The following PKHD1L1 variants were observed in gnomAD, a reference collection of about 807,000 sequenced individuals.
PKHD1L1 encodes the protein PKHD1 like 1, also known as fibrocystin-L.
PKHD1L1 carries 434 observed loss-of-function variants against 462.9 expected under a neutral mutation model. That is an observed-to-expected ratio of 0.94 (90% CI 0.87 to 1.02). The LOEUF is 1.02. Ranked by LOEUF, PKHD1L1 falls within the 50% of genes least tolerant of loss-of-function variation. The pLI, the probability that PKHD1L1 is intolerant of heterozygous loss-of-function variation, is 0.00. For missense variants in PKHD1L1, 5,202 were observed against 5,096.1 expected, an observed-to-expected ratio of 1.02 and a Z score of -0.63; for synonymous variants, 1,781 against 1,750.0, an observed-to-expected ratio of 1.02 and a Z score of -0.44.
chr8:109,511,377 A>G (rs1819972094), intron 71 of PKHD1L1, among the ~76,000 whole-genome samples: 1 of 118,422 alleles, frequency 8.4e-6, no homozygotes, highest in Admixed American at 1.1e-4. Context: ...CCAGAGTGTG[A>G]TGTTCCCCTT....
intron 63 of PKHD1L1, among the ~76,000 whole-genome samples, chr8:109,494,567 G>A (rs1218151607): frequency 6.6e-6 from 1 of 151,956 alleles, no homozygotes; most frequent in Non-Finnish European, 1.5e-5. Context: ...AAGCAGAAGA[G>A]TTCAATGTAT....
chr8:109,392,104 G>A (rs7834361), intron 9 of PKHD1L1, among the ~76,000 whole-genome samples: 3,557 of 152,192 alleles, frequency 0.023, 133 homozygotes, highest in African/African-American at 0.082. Flanking sequence ...ATAAGACACG[G>A]CAACAGGATT....
intron 76 of PKHD1L1, 79 bp from the exon 77 acceptor site, chr8:109,526,705 A>G (rs1820831774): frequency 8.2e-7 from 1 of 1,218,620 alleles, no homozygotes; most frequent in Non-Finnish European, 1.1e-6. Context: ...TTTTTCAGTC[A>G]ATGAAAATCA....
At chr8:109,461,499 A>G (rs968502144) in intron 47 of PKHD1L1, among the ~76,000 whole-genome samples, 1 of 152,148 alleles carries the variant, frequency 6.6e-6, no homozygotes, top group African/African-American at 2.4e-5. Flanking sequence ...ACTAAATCCC[A>G]TTATCAATAT....
intron 18 of PKHD1L1, 29 bp downstream of exon 18, chr8:109,408,235 A>G: frequency 6.3e-7 from 1 of 1,593,522 alleles, no homozygotes; most frequent in Non-Finnish European, 8.6e-7. Flanking sequence ...TCTACCACGC[A>G]TTTTCCCTGC....
rs1260426222 is a variant in PKHD1L1 at position 109,445,586 on chromosome 8, T to C, written c.5717T>C (p.Leu1906Ser). Reference protein sequence around the residue: ...IFVNTIAYPPLLFTYALEDTP... With the variant: ...IFVNTIAYPPSLFTYALEDTP... ...GTTAATACAATTGCTTATCCACCTT[T>C]GCTTTTTACATATGCCCTGGAGGAT... Residue 1906 changes from leucine (L) to serine (S), a missense_variant, in exon 38 of 78, where the codon TTG becomes TCG. Leu to Ser is a moderately radical substitution (Grantham distance 145). This residue lies in a region of PKHD1L1 where 4,497 missense variants were observed against 4,336.8 expected (regional missense o/e 1.04). Transcript: ENST00000378402. 1 of 1,611,280 alleles carries C rather than the reference T, an allele frequency of 6.2e-7. No individual in the cohort carries two copies. The highest frequency in any genetic ancestry group is 8.5e-7 in the Non-Finnish European group (1 of 1,178,354).
Position 109,483,120 on chromosome 8 carries a change from T to G in PKHD1L1, c.9576+15T>G. The G allele has an allele frequency of 6.5e-7, 1 of 1,544,104 alleles. No homozygotes were observed. Among genetic ancestry groups the G allele is most frequent in the South Asian group, 1.2e-5 (1 of 83,392 alleles). On this transcript the variant is annotated intron_variant, in intron 57 of 77. Transcript: ENST00000378402. ...TGGATTGGCAGGTAGACAAAATAAT[T>G]ATGTAATGGAAAATGAATATACACA...
Position 109,532,649 on chromosome 8 carries a change from C to T in PKHD1L1, c.*2559C>T, listed in dbSNP as rs1221487981. Among the ~76,000 whole-genome samples the T allele has an allele frequency of 1.2e-4, 19 of 152,064 alleles. No individual in the cohort carries two copies. Among genetic ancestry groups the T allele is most frequent in the Admixed American group, 1.2e-3 (19 of 15,264 alleles). On this transcript the variant is annotated 3_prime_UTR_variant, in exon 78 of 78. Transcript: ENST00000378402. ...GTAAATATGTTGTTCCAATTTTGGT[C>T]AAAGTAAGAAACAGAGAATAAAAAG...
In PKHD1L1 at chr8:109,448,168, C is replaced by G; in HGVS notation, c.5802C>G (p.Ile1934Met). The G allele has an allele frequency of 6.2e-7, 1 of 1,606,356 alleles. No individual in the cohort carries two copies. Among genetic ancestry groups the G allele is most frequent in the South Asian group, 1.1e-5 (1 of 89,972 alleles). The stretch of plus-strand genomic sequence containing the variant: ...GTCCACCAGGAACTGAAATTGAGAT[C>G]ACTGGATCCAACTTTGGCTTTGAGA... Reference protein sequence around the residue: ...SRGPPGTEIEITGSNFGFEIL... With the variant: ...SRGPPGTEIEMTGSNFGFEIL... Residue 1934 changes from isoleucine (I) to methionine (M), a missense_variant, in exon 39 of 78, where the codon ATC (isoleucine) becomes ATG (methionine). Ile to Met is a conservative substitution (Grantham distance 10). Coordinates refer to ENST00000378402, the MANE Select transcript of PKHD1L1 (RefSeq NM_177531.6).
intron 71 of PKHD1L1, among the ~76,000 whole-genome samples, chr8:109,511,859 G>C (rs1465465804): frequency 6.6e-6 from 1 of 152,072 alleles, no homozygotes; most frequent in African/African-American, 2.4e-5. Flanking sequence ...AGCACCTACT[G>C]TTTCCTGACT....
At chr8:109,382,382 T>G in intron 3 of PKHD1L1, 81 bp from the exon 4 acceptor site, 1 of 1,130,688 alleles carries the variant, frequency 8.8e-7, no homozygotes, top group Non-Finnish European at 1.2e-6. Context: ...GCCTGCAGTC[T>G]GGGGCAGTAT....
intron 34 of PKHD1L1, among the ~76,000 whole-genome samples, 164 bp downstream of exon 34, chr8:109,441,543 A>G (rs773690167): frequency 6.6e-5 from 10 of 152,156 alleles, no homozygotes; most frequent in Non-Finnish European, 1.2e-4. Context: ...CATATAGAGC[A>G]AATTAGTGGT....
At chr8:109,452,344 A>G (rs1386085514) in intron 42 of PKHD1L1, 64 bp downstream of exon 42, 5 of 1,351,382 alleles carry the variant, frequency 3.7e-6, no homozygotes, top group East Asian at 5.3e-5. Flanking sequence ...GAGGTGGGCT[A>G]ATTGGTAATT....
intron 76 of PKHD1L1, among the ~76,000 whole-genome samples, chr8:109,526,135 A>T (rs1050883948): frequency 6.6e-6 from 1 of 152,190 alleles, no homozygotes; most frequent in Non-Finnish European, 1.5e-5. Context: ...ATAATATTGG[A>T]TGAGCTCTTT....
chr8:109,370,180 G>T lies in PKHD1L1; in HGVS notation c.163+5544G>T, dbSNP rs553540192. On this transcript the variant is annotated intron_variant, in intron 2 of 77. Transcript: ENST00000378402. ...GTCGCCCAGGCTGGAGTGCAATGGC[G>T]TGATCTTGGCTCACTGCAACCTCTG... 4.6e-5 allele frequency among the ~76,000 whole-genome samples: 7 copies of T among 152,146 alleles called. No individual in the cohort carries two copies. In the South Asian group the frequency reaches 1.5e-3, roughly 32 times the overall value.
intron 21 of PKHD1L1, among the ~76,000 whole-genome samples, chr8:109,415,004 ATTATT>A (rs1814070932): frequency 8.4e-6 from 1 of 118,382 alleles, no homozygotes; most frequent in Non-Finnish European, 1.8e-5. Context: ...TATTATTATT[ATTATT>A]ATTTTTGAGA....
Position 109,464,439 on chromosome 8 carries a change from A to T in PKHD1L1, c.7607A>T (p.Asn2536Ile). Residue 2536 changes from asparagine (N) to isoleucine (I), a missense_variant, in exon 49 of 78, where the codon AAT becomes ATT. Physicochemically the swap from Asn to Ile is moderately radical, Grantham distance 149. Transcript: ENST00000378402. ...FFIEDGIEHG[N>I]ILQYNLAVFV... ...ATAGAAGATGGTATTGAACATGGCA[A>T]TATCCTCCAGTATAACTTGGCAGTA... 1 of 1,613,690 alleles carries T rather than the reference A, an allele frequency of 6.2e-7. No individual in the cohort carries two copies. Among genetic ancestry groups the T allele is most frequent in the Non-Finnish European group, 8.5e-7 (1 of 1,179,756 alleles).
At chr8:109,471,080 C>T (rs1400554524) in intron 50 of PKHD1L1, 2 of 1,556,454 alleles carry the variant, frequency 1.3e-6, no homozygotes, top group African/African-American at 2.7e-5. Flanking sequence ...TCAAATTCCT[C>T]ATCAAACATA....
At chr8:109,429,727 G>A (rs890114989) in intron 26 of PKHD1L1, among the ~76,000 whole-genome samples, 2 of 152,068 alleles carry the variant, frequency 1.3e-5, no homozygotes, top group East Asian at 1.9e-4. Flanking sequence ...CAGCAGCTCT[G>A]TAAAGATGAA....
Sources: gnomAD v4.1 joint callset for allele counts (sites outside exome capture counted in the v4.1 genomes callset) on GRCh38, gnomAD v4.1.1 for gene constraint, gnomAD v4.1.1 regional missense constraint, MANE v1.5 for transcripts, NCBI Gene and HGNC (gene_info 2026-07-23, HGNC 2026-07-21) for gene names.